Variants in TENT2 observed in about 807,000 individuals in gnomAD.
TENT2 encodes the protein terminal nucleotidyltransferase 2.
Under a neutral mutation model 72.2 loss-of-function variants are expected in TENT2, and 44 were observed. The ratio of observed to expected loss-of-function variants is 0.61; its 90% CI spans 0.48 to 0.78. The LOEUF is 0.78. TENT2 is among the 30% of genes least tolerant of loss of function. The pLI, the probability that TENT2 is intolerant of heterozygous loss-of-function variation, is 0.00. For missense variants in TENT2, 541 were observed against 569.6 expected (o/e 0.95, Z 0.51); for synonymous variants, 212 against 192.5 (o/e 1.10, Z -0.84).
intron 4 of TENT2, among the ~76,000 whole-genome samples, chr5:79,633,216 T>C (rs1168805911): frequency 1.3e-5 from 2 of 152,164 alleles, no homozygotes; most frequent in Non-Finnish European, 2.9e-5. Flanking sequence ...TTTCTATAGC[T>C]ACACGTAACA....
At position 79,623,766 on chromosome 5, in the gene TENT2, A is replaced by G. The variant is rs766002588; in HGVS notation, c.465+277A>G. ...TCTGAGTTTAGAGAACTGTCTTGTT[A>G]CTTGTTTTTACTGAAAAAAAAAAAA... On this transcript the variant is annotated intron_variant, in intron 4 of 14. Coordinates refer to ENST00000453514, the MANE Select transcript of TENT2 (RefSeq NM_001114394.3). The G allele has an allele frequency of 1.3e-3, 304 of 242,308 alleles. 3 individuals are homozygous for G. Among genetic ancestry groups the G allele is most frequent in the Non-Finnish European group, 7.9e-4 (103 of 129,968 alleles). 15.0% of individuals were successfully genotyped at this position (242,308 alleles called of 1,614,324 possible). A position where few individuals can be genotyped will look rare whatever the true frequency, so the allele number is the denominator to read the frequency against.
At chr5:79,675,011 G>A (rs910277842) in intron 12 of TENT2, among the ~76,000 whole-genome samples, 4 of 152,102 alleles carry the variant, frequency 2.6e-5, no homozygotes, top group African/African-American at 7.2e-5. Flanking sequence ...AAAAAGCATA[G>A]CATTATTGGT....
chr5:79,640,764 C>A, intron 4 of TENT2, 87 bp from the exon 5 acceptor site: 1 of 685,778 alleles, frequency 1.5e-6, no homozygotes, highest in Non-Finnish European at 2.4e-6. Context: ...AAAATAGTGT[C>A]AGTATAATTG....
intron 10 of TENT2, among the ~76,000 whole-genome samples, chr5:79,649,485 T>C (rs766059829): frequency 1.3e-5 from 2 of 150,956 alleles, no homozygotes; most frequent in Non-Finnish European, 2.9e-5. Context: ...AGCAGACGAA[T>C]GTTCAAAAGG....
chr5:79,620,845 C>A (rs566722312), intron 3 of TENT2, among the ~76,000 whole-genome samples: 1 of 152,160 alleles, frequency 6.6e-6, no homozygotes, highest in Non-Finnish European at 1.5e-5. Context: ...ACATCTCACA[C>A]AGGTAAGGTT....
At chr5:79,662,169 T>C (rs948557881) in intron 11 of TENT2, among the ~76,000 whole-genome samples, 1 of 152,222 alleles carries the variant, frequency 6.6e-6, no homozygotes, top group Non-Finnish European at 1.5e-5. Context: ...TAAAGTTTTA[T>C]CATGAAATTG....
At chr5:79,631,829 G>GT (rs1775825675) in intron 4 of TENT2, among the ~76,000 whole-genome samples, 1 of 152,200 alleles carries the variant, frequency 6.6e-6, no homozygotes, top group African/African-American at 2.4e-5. Context: ...TGAGTCCTGT[G>GT]TATAGGTGGA....
At chr5:79,625,185 A>G (rs1768486989) in intron 4 of TENT2, among the ~76,000 whole-genome samples, 2 of 152,118 alleles carry the variant, frequency 1.3e-5, no homozygotes, top group South Asian at 4.1e-4. Context: ...CTTATTGGAC[A>G]TTTGTATATC....
chr5:79,649,307 ATGAAACACATTTCC>A, intron 10 of TENT2, 117 bp downstream of exon 10: 2 of 901,302 alleles, frequency 2.2e-6, no homozygotes, highest in Non-Finnish European at 3.2e-6. Context: ...TCTAAGGTCC[ATGAAACACATTTCC>A]TGTTTTGTTG....
chr5:79,635,369 C>T (rs1054735155), intron 4 of TENT2, among the ~76,000 whole-genome samples: 5 of 152,090 alleles, frequency 3.3e-5, no homozygotes, highest in Non-Finnish European at 7.4e-5. Context: ...ATTAAATCTC[C>T]ATTATAGTAG....
intron 1 of TENT2, among the ~76,000 whole-genome samples, chr5:79,616,754 A>G (rs1760462334): frequency 6.6e-6 from 1 of 152,236 alleles, no homozygotes; most frequent in Admixed American, 6.5e-5. Context: ...TCTTGTAAAA[A>G]GACATAAGGG....
rs1024098684 is a variant in TENT2 at position 79,686,491 on chromosome 5, TAC to T, written c.*1220_*1221del. 6.6e-6 allele frequency: 1 copy of T among 152,088 alleles called. No homozygotes were observed. Among genetic ancestry groups the T allele is most frequent in the Non-Finnish European group, 1.5e-5 (1 of 68,010 alleles). 9.4% of individuals were successfully genotyped at this position (152,088 alleles called of 1,614,324 possible). On this transcript the variant is annotated 3_prime_UTR_variant, in exon 15 of 15. Coordinates refer to ENST00000453514, the MANE Select transcript of TENT2 (RefSeq NM_001114394.3). ...CCAACATTTTTTAGACCTGCTGTAGTACAGTTTTGTACCTCTAACGTATTTTT... is the reference window on the plus strand; with the variant it reads ...CCAACATTTTTTAGACCTGCTGTAGTAGTTTTGTACCTCTAACGTATTTTT...
At chr5:79,649,248 G>A (rs1455280666) in intron 10 of TENT2, 58 bp downstream of exon 10, 3 of 1,497,522 alleles carry the variant, frequency 2.0e-6, no homozygotes, top group Non-Finnish European at 2.8e-6. Context: ...TTATTATGGT[G>A]TCTTCTCTGT....
At chr5:79,652,308 ATATT>A (rs2150206230) in intron 10 of TENT2, among the ~76,000 whole-genome samples, 1 of 152,142 alleles carries the variant, frequency 6.6e-6, no homozygotes, top group East Asian at 1.9e-4. Flanking sequence ...TGTTTTTAAT[ATATT>A]TAATGATACA....
At chr5:79,677,865 T>A (rs1818422083) in intron 12 of TENT2, among the ~76,000 whole-genome samples, 1 of 152,214 alleles carries the variant, frequency 6.6e-6, no homozygotes, top group Non-Finnish European at 1.5e-5. Flanking sequence ...AGTGGCACGA[T>A]CACAGCTTAC....
intron 3 of TENT2, among the ~76,000 whole-genome samples, chr5:79,621,415 T>C (rs1276378674): frequency 2.6e-5 from 4 of 152,350 alleles, no homozygotes; most frequent in Admixed American, 2.6e-4. Flanking sequence ...ATTCAGATTT[T>C]ATTTTTTAGA....
chr5:79,680,625 A>G (rs943727960), intron 13 of TENT2, among the ~76,000 whole-genome samples: 1 of 152,098 alleles, frequency 6.6e-6, no homozygotes, highest in East Asian at 1.9e-4. Flanking sequence ...CAGACTCCCT[A>G]TTCTTCCGTA....
At chr5:79,631,034 A>C (rs1775030525) in intron 4 of TENT2, among the ~76,000 whole-genome samples, 1 of 152,160 alleles carries the variant, frequency 6.6e-6, no homozygotes, top group African/African-American at 2.4e-5. Flanking sequence ...GGAATCCATA[A>C]CATTTGATGA....
intron 14 of TENT2, among the ~76,000 whole-genome samples, chr5:79,683,979 T>A (rs1353737925): frequency 6.9e-6 from 1 of 144,764 alleles, no homozygotes; most frequent in African/African-American, 2.6e-5. Context: ...AAAACAAATA[T>A]TCAAGAGAGA....
Sources: allele counts gnomAD v4.1 joint callset (sites outside exome capture counted in the v4.1 genomes callset), GRCh38; gene constraint gnomAD v4.1.1; transcripts MANE v1.5; gene names NCBI Gene and HGNC (gene_info 2026-07-23, HGNC 2026-07-21).